Variants in MECOM observed in about 807,000 individuals in gnomAD.
The protein encoded by MECOM is MDS1 and EVI1 complex locus, also known as histone-lysine N-methyltransferase MECOM.
In MECOM, 13 loss-of-function variants were observed where a neutral mutation model predicts 116.3. The ratio of observed to expected loss-of-function variants is 0.11; its 90% CI spans 0.07 to 0.18. The LOEUF is 0.18. Among genes scored for constraint, MECOM ranks in the 10% least tolerant of loss-of-function variants. The probability of loss-of-function intolerance (pLI) is 1.00; values close to 1 mark genes in which losing one functional copy is unlikely to be tolerated. For missense variants in MECOM, 1,299 were observed against 1,509.0 expected (o/e 0.86, Z 2.31); for synonymous variants, 528 against 535.2 (o/e 0.99, Z 0.19).
chr3:169,429,414 C>T (rs1375158831), intron 1 of MECOM, among the ~76,000 whole-genome samples: 1 of 152,130 alleles, frequency 6.6e-6, no homozygotes, highest in Non-Finnish European at 1.5e-5. Context: ...GTGAATGTAA[C>T]CTCAGATGCA....
At chr3:169,247,130 C>CA (rs1247800143) in intron 2 of MECOM, among the ~76,000 whole-genome samples, 1 of 151,882 alleles carries the variant, frequency 6.6e-6, no homozygotes, top group African/African-American at 2.4e-5. Context: ...TTCTGTGTTG[C>CA]AAAAAACCTC....
intron 1 of MECOM, among the ~76,000 whole-genome samples, chr3:169,524,885 T>C (rs1306368021): frequency 6.6e-6 from 1 of 152,146 alleles, no homozygotes; most frequent in Admixed American, 6.5e-5. Flanking sequence ...TTCTCAACAT[T>C]AGCTGTCTTA....
intron 1 of MECOM, among the ~76,000 whole-genome samples, chr3:169,384,790 T>C (rs934170296): frequency 2.0e-5 from 3 of 152,034 alleles, no homozygotes; most frequent in African/African-American, 7.2e-5. Flanking sequence ...TACTTTCAGT[T>C]TCATGAAAGT....
intron 2 of MECOM, chr3:169,149,365 C>T (rs994786980): frequency 2.3e-4 from 42 of 179,462 alleles, no homozygotes; most frequent in Non-Finnish European, 3.6e-5. Flanking sequence ...ATTGGCAGGT[C>T]CTGGCTAAAT....
intron 2 of MECOM, among the ~76,000 whole-genome samples, chr3:169,188,312 A>G (rs575991763): frequency 6.6e-6 from 1 of 152,210 alleles, no homozygotes; most frequent in Admixed American, 6.6e-5. Context: ...AAAAGAAGAA[A>G]AAGGTAAAGG....
intron 1 of MECOM, among the ~76,000 whole-genome samples, chr3:169,454,332 T>C (rs550994267): frequency 9.4e-5 from 14 of 149,012 alleles, no homozygotes; most frequent in Non-Finnish European, 1.6e-4. Context: ...TTTTTTCTTT[T>C]CCTCTCCCTG....
chr3:169,467,603 A>G (rs1326712508), intron 1 of MECOM, among the ~76,000 whole-genome samples: 7 of 152,198 alleles, frequency 4.6e-5, no homozygotes, highest in Non-Finnish European at 8.8e-5. Context: ...GCTCTACATG[A>G]TTTAGAAATT....
chr3:169,543,866 AGCT>A (rs1760397183), intron 1 of MECOM, among the ~76,000 whole-genome samples: 1 of 152,094 alleles, frequency 6.6e-6, no homozygotes, highest in Non-Finnish European at 1.5e-5. Context: ...GTTTTCAATA[AGCT>A]GCTGTTTATT....
At chr3:169,350,083 A>G (rs1160272170) in intron 2 of MECOM, among the ~76,000 whole-genome samples, 1 of 152,010 alleles carries the variant, frequency 6.6e-6, no homozygotes, top group Non-Finnish European at 1.5e-5. Flanking sequence ...CCTGAGTGGT[A>G]TTCCTTCAAC....
intron 1 of MECOM, among the ~76,000 whole-genome samples, chr3:169,478,064 T>C (rs971713214): frequency 2.0e-5 from 3 of 152,082 alleles, no homozygotes; most frequent in Admixed American, 2.0e-4. Flanking sequence ...AAACTGAGAA[T>C]GAAAGACAGG....
chr3:169,655,381 G>C (rs1428623133), intron 1 of MECOM, among the ~76,000 whole-genome samples: 1 of 152,188 alleles, frequency 6.6e-6, no homozygotes, highest in Non-Finnish European at 1.5e-5. Context: ...GAGCAACCCA[G>C]CTGCAGTAGT....
intron 1 of MECOM, among the ~76,000 whole-genome samples, chr3:169,393,455 G>T (rs1167287379): frequency 6.6e-6 from 1 of 152,138 alleles, no homozygotes; most frequent in Non-Finnish European, 1.5e-5. Flanking sequence ...CATTTTGAGA[G>T]CTGTATTTAT....
At chr3:169,430,147 A>G (rs918075959) in intron 1 of MECOM, among the ~76,000 whole-genome samples, 1 of 152,218 alleles carries the variant, frequency 6.6e-6, no homozygotes, top group Non-Finnish European at 1.5e-5. Flanking sequence ...TTGTTTTTCA[A>G]TAAATCCTCA....
chr3:169,188,669 A>G (rs1239599257), intron 2 of MECOM, among the ~76,000 whole-genome samples: 2 of 152,098 alleles, frequency 1.3e-5, no homozygotes, highest in Non-Finnish European at 2.9e-5. Context: ...TGACTCTGCC[A>G]TTGTGCTCAT....
chr3:169,124,687 C>T (rs1732239405), intron 5 of MECOM, among the ~76,000 whole-genome samples: 1 of 151,932 alleles, frequency 6.6e-6, no homozygotes, highest in Admixed American at 6.6e-5. Flanking sequence ...TAATTCAAAG[C>T]AGGTATAATG....
At chr3:169,636,890 G>A (rs530826583) in intron 1 of MECOM, among the ~76,000 whole-genome samples, 90 of 152,262 alleles carry the variant, frequency 5.9e-4, no homozygotes, top group African/African-American at 2.1e-3. Context: ...ACTCTAGACT[G>A]TGATCTGTTC....
chr3:169,597,595 A>G (rs1767292997), intron 1 of MECOM, among the ~76,000 whole-genome samples: 1 of 152,224 alleles, frequency 6.6e-6, no homozygotes, highest in Non-Finnish European at 1.5e-5. Context: ...TTTCTTTCAA[A>G]AAATATAATA....
At chr3:169,294,186 C>T (rs1168331452) in intron 2 of MECOM, among the ~76,000 whole-genome samples, 3 of 151,914 alleles carry the variant, frequency 2.0e-5, no homozygotes, top group Admixed American at 1.3e-4. Context: ...TTCCATTTAA[C>T]CTTCCAGGAT....
intron 1 of MECOM, among the ~76,000 whole-genome samples, chr3:169,413,342 C>G (rs1325898793): frequency 1.3e-5 from 2 of 152,198 alleles, no homozygotes; most frequent in African/African-American, 4.8e-5. Context: ...ATGCTTTTCC[C>G]ACAGTCTTTG....
Sources: gnomAD v4.1 joint callset for allele counts (sites outside exome capture counted in the v4.1 genomes callset) on GRCh38, gnomAD v4.1.1 for gene constraint, MANE v1.5 for transcripts, NCBI Gene and HGNC (gene_info 2026-07-23, HGNC 2026-07-21) for gene names.